PPP2R2C: variants seen among roughly 807,000 people sequenced by gnomAD.
PPP2R2C encodes the protein protein phosphatase 2 regulatory subunit Bgamma.
Under a neutral mutation model 45.3 loss-of-function variants are expected in PPP2R2C, and 10 were observed. The observed-to-expected ratio is 0.22, with a 90% confidence interval of 0.14 to 0.37. The LOEUF is 0.37. Ranked by LOEUF, PPP2R2C falls within the 10% of genes least tolerant of loss-of-function variation. PPP2R2C has a pLI of 1.00. For synonymous variants in PPP2R2C, 257 were observed against 245.4 expected (o/e 1.05, Z -0.44); for missense variants, 308 against 619.7 (o/e 0.50, Z 5.34).
chr4:6,420,636 C>A (rs1012302334), intron 1 of PPP2R2C, among the ~76,000 whole-genome samples: 41 of 152,198 alleles, frequency 2.7e-4, no homozygotes, highest in African/African-American at 9.9e-4. Context: ...GCTCTATCTG[C>A]GGGACACGAA....
At position 6,364,547 on chromosome 4, in the gene PPP2R2C, T is replaced by A. The variant is rs2037522609; in HGVS notation, c.625+7976A>T. On this transcript the variant is annotated intron_variant, in intron 5 of 8. Transcript: ENST00000382599. The surrounding 1 kb of genome is among the most constrained non-coding windows in gnomAD (Gnocchi z 5.3). ...GAGACACCTGGGGAAACACAGCTAA[T>A]GAAGCAATGATGCTGCAGCTCGGTG... Among the ~76,000 whole-genome samples, 3 of 151,308 alleles carry A rather than the reference T, an allele frequency of 2.0e-5. No homozygotes were observed. The South Asian group carries it at 6.4e-4, about 32-fold the overall frequency.
At chr4:6,443,886 G>C (rs1021040372) in intron 1 of PPP2R2C, among the ~76,000 whole-genome samples, 2 of 151,702 alleles carry the variant, frequency 1.3e-5, no homozygotes, top group African/African-American at 2.4e-5. Context: ...GTGCAGCAAC[G>C]AAGCAAGTGC....
At chr4:6,502,922 C>T (rs1438193190) in intron 2 of PPP2R2C, among the ~76,000 whole-genome samples, 3 of 152,114 alleles carry the variant, frequency 2.0e-5, no homozygotes, top group South Asian at 2.1e-4. Context: ...CAGACCCGGC[C>T]GCTATTGCCA....
At chr4:6,402,212 A>T (rs1388705294) in intron 1 of PPP2R2C, among the ~76,000 whole-genome samples, 1 of 152,102 alleles carries the variant, frequency 6.6e-6, no homozygotes, top group Non-Finnish European at 1.5e-5. Flanking sequence ...CAGAGCAGGT[A>T]AGTGGTGCCC....
At chr4:6,493,109 G>T (rs4689012) in intron 2 of PPP2R2C, among the ~76,000 whole-genome samples, 2 of 151,646 alleles carry the variant, frequency 1.3e-5, no homozygotes, top group Non-Finnish European at 2.9e-5. Context: ...TGCAAGCCTC[G>T]GCCCCTCACT....
intron 1 of PPP2R2C, among the ~76,000 whole-genome samples, chr4:6,549,233 A>G (rs1442104164): frequency 6.6e-6 from 1 of 152,154 alleles, no homozygotes; most frequent in Non-Finnish European, 1.5e-5. Context: ...TGACGCTGTA[A>G]AAATGGAAAT....
chr4:6,367,175 T>C (rs1714397824), intron 5 of PPP2R2C, among the ~76,000 whole-genome samples: 1 of 152,066 alleles, frequency 6.6e-6, no homozygotes, highest in African/African-American at 2.4e-5. Flanking sequence ...CTGAGTCACC[T>C]TTCTCATTGT....
chr4:6,355,920 G>A (rs532194398), intron 5 of PPP2R2C, among the ~76,000 whole-genome samples: 1 of 149,542 alleles, frequency 6.7e-6, no homozygotes, highest in East Asian at 2.0e-4. Context: ...CTTGAACCTG[G>A]GAGGCAGAGG....
chr4:6,332,448 T>A lies in PPP2R2C; in HGVS notation c.960+1114A>T, dbSNP rs540016678. On this transcript the variant is annotated intron_variant, in intron 7 of 8. Coordinates refer to ENST00000382599, the MANE Select transcript of PPP2R2C (RefSeq NM_020416.4). The surrounding 1 kb of genome is among the most constrained non-coding windows in gnomAD (Gnocchi z 4.9). The stretch of plus-strand genomic sequence containing the variant: ...AAACAGGCGGTCCCCATAGCGGTCC[T>A]TGTGGGTGTGTGGCTTCCAGGAGCG... Among the ~76,000 whole-genome samples the A allele has an allele frequency of 6.6e-6, 1 of 152,124 alleles. No homozygotes were observed. Among genetic ancestry groups the A allele is most frequent in the Non-Finnish European group, 1.5e-5 (1 of 68,008 alleles).
chr4:6,536,259 A>T (rs1724610185), intron 1 of PPP2R2C, among the ~76,000 whole-genome samples: 1 of 152,236 alleles, frequency 6.6e-6, no homozygotes, highest in Non-Finnish European at 1.5e-5. Context: ...AAAGAAGGTA[A>T]GATGTTTAGA....
chr4:6,378,708 A>G lies in PPP2R2C; in HGVS notation c.169-136T>C, dbSNP rs1715546375. The G allele has an allele frequency of 3.2e-6, 3 of 942,850 alleles. No individual in the cohort carries two copies. In the South Asian group the frequency reaches 4.8e-5, roughly 15 times the overall value. 58.4% of individuals were successfully genotyped at this position (942,850 alleles called of 1,614,324 possible). On this transcript the variant is annotated intron_variant, in intron 2 of 8. Transcript: ENST00000382599. The surrounding 1 kb of genome is among the most constrained non-coding windows in gnomAD (Gnocchi z 5.2). Reference sequence around the variant, plus strand: ...AGGGATCCAATTCGAGGGTCAAATGAAACTCTCTGCAGCTTAACCGGCCCA... The same window carrying G: ...AGGGATCCAATTCGAGGGTCAAATGGAACTCTCTGCAGCTTAACCGGCCCA...
At chr4:6,350,027 C>T (rs964952069) in intron 5 of PPP2R2C, 12 of 985,216 alleles carry the variant, frequency 1.2e-5, no homozygotes, top group East Asian at 1.1e-4. Context: ...TCTTGCTTCC[C>T]GGAAGCACGT....
At chr4:6,497,872 A>G (rs1418413458) in intron 2 of PPP2R2C, among the ~76,000 whole-genome samples, 3 of 152,220 alleles carry the variant, frequency 2.0e-5, no homozygotes, top group African/African-American at 7.2e-5. Context: ...GTGCCTTAAA[A>G]CATATGAAAG....
chr4:6,349,464 G>A (rs1262176700), intron 5 of PPP2R2C: 1 of 984,872 alleles, frequency 1.0e-6, no homozygotes, highest in African/African-American at 1.7e-5. Context: ...CTCAATGAAT[G>A]TCAGTTTCCA....
chr4:6,511,289 T>C (rs945471912), intron 2 of PPP2R2C, among the ~76,000 whole-genome samples: 5 of 151,872 alleles, frequency 3.3e-5, no homozygotes, highest in African/African-American at 1.2e-4. Flanking sequence ...CTGATGCTGA[T>C]GCTGATGGTG....
intron 5 of PPP2R2C, among the ~76,000 whole-genome samples, chr4:6,361,902 G>A (rs1279436542): frequency 1.3e-5 from 2 of 152,232 alleles, no homozygotes; most frequent in African/African-American, 4.8e-5. Flanking sequence ...AGAGACACAG[G>A]TGCTCATGTC....
chr4:6,497,380 G>A (rs550162462), intron 2 of PPP2R2C, among the ~76,000 whole-genome samples: 4 of 152,176 alleles, frequency 2.6e-5, no homozygotes, highest in Admixed American at 2.6e-4. Flanking sequence ...TGCATATCAG[G>A]AAATGGCAGA....
intron 1 of PPP2R2C, among the ~76,000 whole-genome samples, chr4:6,435,421 G>C (rs535155370): frequency 6.6e-6 from 1 of 152,304 alleles, no homozygotes; most frequent in East Asian, 1.9e-4. Flanking sequence ...TTAGAGGTGT[G>C]ATTGCTCAAT....
At chr4:6,421,898 C>T (rs1719001543) in intron 1 of PPP2R2C, among the ~76,000 whole-genome samples, 2 of 152,326 alleles carry the variant, frequency 1.3e-5, no homozygotes, top group South Asian at 4.1e-4. Flanking sequence ...TCTTACTCTG[C>T]CTCCCGATAA....
Sources: allele counts gnomAD v4.1 joint callset (sites outside exome capture counted in the v4.1 genomes callset), GRCh38; gene constraint gnomAD v4.1.1; non-coding constraint Gnocchi (gnomAD v3.1); transcripts MANE v1.5; gene names NCBI Gene and HGNC (gene_info 2026-07-23, HGNC 2026-07-21).